CNTNAP2: variants seen among roughly 807,000 people sequenced by gnomAD.
CNTNAP2 encodes contactin associated protein 2.
Under a neutral mutation model 155.2 loss-of-function variants are expected in CNTNAP2, and 98 were observed. The observed-to-expected ratio is 0.63, with a 90% CI of 0.54 to 0.75. The LOEUF (loss-of-function observed/expected upper bound fraction) is 0.75. Ranked by LOEUF, CNTNAP2 falls within the 30% of genes least tolerant of loss-of-function variation. The pLI, the probability that CNTNAP2 is intolerant of heterozygous loss-of-function variation, is 0.00. For missense variants in CNTNAP2, 1,727 were observed against 1,688.1 expected (o/e 1.02, Z -0.40); for synonymous variants, 651 against 631.2 (o/e 1.03, Z -0.47).
chr7:146,734,855 T>A (rs1801584609), intron 1 of CNTNAP2, among the ~76,000 whole-genome samples: 2 of 152,178 alleles, frequency 1.3e-5, no homozygotes, highest in African/African-American at 4.8e-5. Context: ...GTGTCCAAAC[T>A]GAGTTTTCCA....
intron 3 of CNTNAP2, among the ~76,000 whole-genome samples, chr7:147,042,943 A>AT (rs1330149375): frequency 3.9e-5 from 6 of 152,178 alleles, no homozygotes; most frequent in Non-Finnish European, 8.8e-5. Flanking sequence ...CAACTTGTCT[A>AT]TTATAGGGAC....
At chr7:146,355,134 CATCAA>C (rs1369127448) in intron 1 of CNTNAP2, among the ~76,000 whole-genome samples, 1 of 152,170 alleles carries the variant, frequency 6.6e-6, no homozygotes, top group Non-Finnish European at 1.5e-5. Flanking sequence ...ATTGCATACA[CATCAA>C]ATCAAATTAT....
intron 8 of CNTNAP2, among the ~76,000 whole-genome samples, chr7:147,236,622 A>G (rs990109601): frequency 1.3e-5 from 2 of 151,296 alleles, no homozygotes; most frequent in African/African-American, 4.9e-5. Flanking sequence ...AAAAATCCCA[A>G]TTGTCTAAAT....
chr7:148,038,065 A>T (rs909767946), intron 15 of CNTNAP2, among the ~76,000 whole-genome samples: 7 of 152,344 alleles, frequency 4.6e-5, no homozygotes, highest in Non-Finnish European at 1.0e-4. Context: ...GGAAAAGAAA[A>T]ATTAATTTGT....
chr7:148,065,542 A>G (rs547445111), intron 15 of CNTNAP2, among the ~76,000 whole-genome samples: 12 of 152,146 alleles, frequency 7.9e-5, no homozygotes, highest in African/African-American at 2.9e-4. Flanking sequence ...TACATAATGT[A>G]CCTCTTCGTC....
intron 1 of CNTNAP2, among the ~76,000 whole-genome samples, chr7:146,167,552 G>A (rs1166307532): frequency 2.6e-5 from 4 of 152,204 alleles, no homozygotes; most frequent in Non-Finnish European, 4.4e-5. Flanking sequence ...ATCTAAAAAT[G>A]TGTGGTTCAG....
chr7:147,835,475 G>T lies in CNTNAP2; in HGVS notation c.2099-68090G>T, dbSNP rs142493152. Among the ~76,000 whole-genome samples the T allele has an allele frequency of 9.9e-5, 15 of 152,280 alleles. No individual in the cohort carries two copies. The East Asian group carries it at 2.9e-3, about 29-fold the overall frequency. ...CCATGTCCAAATCAGTGTACTGCTT[G>T]CTTCTCTGTGCACCTGTCATCTTTA... On this transcript the variant is annotated intron_variant, in intron 13 of 23. Transcript: ENST00000361727.
chr7:146,822,242 G>A (rs1315185220), intron 2 of CNTNAP2, among the ~76,000 whole-genome samples: 2 of 151,972 alleles, frequency 1.3e-5, no homozygotes, highest in African/African-American at 4.8e-5. Context: ...AACACCACAT[G>A]TTCTCACTCA....
chr7:147,522,964 T>C (rs1799255915), intron 11 of CNTNAP2, among the ~76,000 whole-genome samples: 1 of 152,194 alleles, frequency 6.6e-6, no homozygotes, highest in Admixed American at 6.5e-5. Flanking sequence ...AGTTATGTGT[T>C]ACAGAGCAAC....
At chr7:146,743,058 G>A (rs1801746895) in intron 1 of CNTNAP2, among the ~76,000 whole-genome samples, 1 of 151,820 alleles carries the variant, frequency 6.6e-6, no homozygotes, top group African/African-American at 2.4e-5. Flanking sequence ...TTAGATGTCT[G>A]CATCGAAACC....
chr7:146,697,274 G>A (rs1465349427), intron 1 of CNTNAP2, among the ~76,000 whole-genome samples: 2 of 150,262 alleles, frequency 1.3e-5, no homozygotes, highest in Non-Finnish European at 3.0e-5. Context: ...GTCTTGCTCT[G>A]TTGCCCAGGC....
chr7:147,355,111 C>T (rs115133438), intron 9 of CNTNAP2, among the ~76,000 whole-genome samples: 1 of 151,752 alleles, frequency 6.6e-6, no homozygotes, highest in South Asian at 2.1e-4. Context: ...GCTTGAGGAG[C>T]TTTAAGTGAC....
At chr7:147,170,414 C>T (rs541992180) in intron 8 of CNTNAP2, among the ~76,000 whole-genome samples, 1 of 152,018 alleles carries the variant, frequency 6.6e-6, no homozygotes, top group South Asian at 2.1e-4. Flanking sequence ...CGGCACTGTG[C>T]CGTGGCTTTG....
chr7:147,229,496 T>C (rs866634393), intron 8 of CNTNAP2, among the ~76,000 whole-genome samples: 22 of 152,344 alleles, frequency 1.4e-4, no homozygotes, highest in South Asian at 2.1e-4. Context: ...ACCTCTATAC[T>C]ATAAGTTACA....
chr7:146,326,654 CA>C (rs1801102697), intron 1 of CNTNAP2, among the ~76,000 whole-genome samples: 1 of 152,170 alleles, frequency 6.6e-6, no homozygotes, highest in African/African-American at 2.4e-5. Context: ...CAGGTACATA[CA>C]CCAATCAAAC....
chr7:146,173,321 A>G (rs1388344629), intron 1 of CNTNAP2, among the ~76,000 whole-genome samples: 5 of 152,212 alleles, frequency 3.3e-5, no homozygotes, highest in Non-Finnish European at 7.4e-5. Context: ...TGTACATATT[A>G]TATGTATCTT....
intron 13 of CNTNAP2, chr7:147,671,678 G>A (rs556896084): frequency 4.6e-5 from 7 of 152,158 alleles, no homozygotes; most frequent in Non-Finnish European, 8.8e-5. Context: ...TAAAGCTCAA[G>A]GCCAGAGATG....
chr7:146,147,301 A>G (rs1421932631), intron 1 of CNTNAP2, among the ~76,000 whole-genome samples: 2 of 151,924 alleles, frequency 1.3e-5, no homozygotes, highest in African/African-American at 4.8e-5. Flanking sequence ...AAGACTATCA[A>G]TTAGTAGGCA....
chr7:146,471,920 G>T (rs1796804850), intron 1 of CNTNAP2, among the ~76,000 whole-genome samples: 1 of 152,128 alleles, frequency 6.6e-6, no homozygotes, highest in African/African-American at 2.4e-5. Context: ...GCTGAATAAA[G>T]AAAATTCCAA....
Sources: gnomAD v4.1 joint callset for allele counts (sites outside exome capture counted in the v4.1 genomes callset) on GRCh38, gnomAD v4.1.1 for gene constraint, MANE v1.5 for transcripts, NCBI Gene and HGNC (gene_info 2026-07-23, HGNC 2026-07-21) for gene names.